The following OTUD7B variants were observed in gnomAD, a reference collection of about 807,000 sequenced individuals.
The protein encoded by OTUD7B is OTU domain-containing protein 7B.
OTUD7B carries 34 observed loss-of-function variants against 82.2 expected under a neutral mutation model. That is an observed-to-expected ratio of 0.41 (90% CI 0.31 to 0.55). The LOEUF (loss-of-function observed/expected upper bound fraction) is 0.55, where lower values mean the gene tolerates loss of function less well. OTUD7B is among the 20% of genes least tolerant of loss of function. The pLI, the probability that OTUD7B is intolerant of heterozygous loss-of-function variation, is 0.20. For synonymous variants in OTUD7B, 398 were observed against 402.7 expected, an observed-to-expected ratio of 0.99 and a Z score of 0.14; for missense variants, 944 against 1,062.1, an observed-to-expected ratio of 0.89 and a Z score of 1.55.
At chr1:149,990,550 GCTGT>G (rs1651489846) in intron 1 of OTUD7B, among the ~76,000 whole-genome samples, 1 of 152,166 alleles carries the variant, frequency 6.6e-6, no homozygotes, top group South Asian at 2.1e-4. Flanking sequence ...TATTTGTATA[GCTGT>G]CTGTTCACTA....
At chr1:150,032,147 CT>C in the OTUD7B span, among the ~76,000 whole-genome samples, 2 of 151,508 alleles carry the variant, frequency 1.3e-5, no homozygotes, top group Non-Finnish European at 2.9e-5. Flanking sequence ...CCCGTCTCTA[CT>C]AAAAATACAA....
At chr1:149,947,154 C>A (rs1466488319) in intron 11 of OTUD7B, 97 bp downstream of exon 11, 9 of 688,756 alleles carry the variant, frequency 1.3e-5, no homozygotes, top group Non-Finnish European at 2.4e-5. Context: ...AGCCACCACT[C>A]AGAATAGATT....
rs1647411132 is a variant in OTUD7B at position 149,943,539 on chromosome 1, C to A, written c.*318G>T. Reference sequence around the variant, plus strand: ...CTCCCACCCCCACACACCAAACCTTCCCCTGCTACTTTCTCTTAGGTCCCT... The same window carrying A: ...CTCCCACCCCCACACACCAAACCTTACCCTGCTACTTTCTCTTAGGTCCCT... On this transcript the variant is annotated 3_prime_UTR_variant, in exon 12 of 12. Coordinates refer to ENST00000581312, the MANE Select transcript of OTUD7B (RefSeq NM_020205.4). The A allele has an allele frequency of 8.7e-5, 21 of 242,746 alleles. No homozygotes were observed. Among genetic ancestry groups the A allele is most frequent in the Non-Finnish European group, 1.3e-4 (16 of 124,640 alleles). The allele number at this position is 242,746 out of a possible 1,614,324, so 15.0% of individuals were successfully genotyped here. A position where few individuals can be genotyped will look rare whatever the true frequency, so the allele number is the denominator to read the frequency against.
At chr1:150,051,925 G>A in the OTUD7B span, among the ~76,000 whole-genome samples, 4 of 152,104 alleles carry the variant, frequency 2.6e-5, no homozygotes, top group Admixed American at 6.5e-5. Flanking sequence ...TGACAGATCA[G>A]GAATGAGCCA....
the OTUD7B span, among the ~76,000 whole-genome samples, chr1:150,049,065 T>G: frequency 7.2e-5 from 11 of 152,292 alleles, no homozygotes; most frequent in Admixed American, 7.2e-4. Flanking sequence ...CTCGAACTCC[T>G]GACCTCAAGT....
At chr1:150,044,700 T>TAATAATAAA in the OTUD7B span, among the ~76,000 whole-genome samples, 1 of 149,700 alleles carries the variant, frequency 6.7e-6, no homozygotes, top group African/African-American at 2.5e-5. Flanking sequence ...ATAATAATAA[T>TAATAATAAA]AAATAAAAAT....
In OTUD7B at chr1:149,944,816, T is replaced by G. The variant is rs782049026; in HGVS notation, c.1573A>C (p.Met525Leu). 2.5e-6 allele frequency: 4 copies of G among 1,614,000 alleles called. No individual in the cohort carries two copies. The African/African-American group carries it at 5.3e-5, about 22-fold the overall frequency. The stretch of plus-strand genomic sequence containing the variant: ...CCAGGCTTTGAACCCTTGCTGTGCA[T>G]CAGGCCCCCCATGTTCTTCTTGAGC... ...SKLKKNMGGL[M>L]HSKGSKPGGV... The change falls in exon 12 of 12, where the codon ATG becomes CTG. Residue 525 changes from methionine to leucine, a missense_variant. By Grantham distance (15) the Met-to-Leu change is conservative (BLOSUM62 2). Coordinates refer to ENST00000581312, the MANE Select transcript of OTUD7B (RefSeq NM_020205.4).
rs148324636 is a variant in OTUD7B at position 149,965,689 on chromosome 1, A to G, written c.604+88T>C. 480 of 906,314 alleles carry G rather than the reference A, an allele frequency of 5.3e-4. 1 individual carries two copies. The African/African-American group carries it at 7.0e-3, about 13-fold the overall frequency. The allele number at this position is 906,314 out of a possible 1,614,324, so 56.1% of individuals were successfully genotyped here. Reference sequence around the variant, plus strand: ...TGAACCATCATTTCCGCCTAAGATCAAGGTTATCTGGATCAAGTCCTACAC... The same window carrying G: ...TGAACCATCATTTCCGCCTAAGATCGAGGTTATCTGGATCAAGTCCTACAC... On this transcript the variant is annotated intron_variant, in intron 5 of 11. Transcript: ENST00000581312.
At chr1:149,954,418 GC>G (rs1354664914) in intron 7 of OTUD7B, among the ~76,000 whole-genome samples, 5 of 152,156 alleles carry the variant, frequency 3.3e-5, no homozygotes, top group Admixed American at 2.6e-4. Flanking sequence ...TGGGGGATAA[GC>G]TTTTTGATGT....
In OTUD7B at chr1:149,959,788, C is replaced by T. The variant is rs1298937274; in HGVS notation, c.741G>A (p.Leu247=). Residue 247 remains leucine, a synonymous_variant, in exon 7 of 12, where the codon CTG becomes CTA. Coordinates refer to ENST00000581312, the MANE Select transcript of OTUD7B (RefSeq NM_020205.4). Reference sequence around the variant, plus strand: ...TCTGCCATTCATCTTCTGTGTATACCAGCCCTGACTGTGTGAAGGACAGGC... The same window carrying T: ...TCTGCCATTCATCTTCTGTGTATACTAGCCCTGACTGTGTGAAGGACAGGC... ...QQTQQNKESG[L]VYTEDEWQKE... is the part of the protein sequence containing the mutation. 3 of 1,611,920 alleles carry T rather than the reference C, an allele frequency of 1.9e-6. No homozygotes were observed. In the African/African-American group the frequency reaches 4.0e-5, roughly 22 times the overall value.
At chr1:150,052,247 G>A in the OTUD7B span, among the ~76,000 whole-genome samples, 15 of 152,270 alleles carry the variant, frequency 9.9e-5, no homozygotes, top group Admixed American at 9.2e-4. Context: ...GTTTGCAGAC[G>A]ACATGATTCC....
chr1:150,028,380 T>TA, the OTUD7B span, among the ~76,000 whole-genome samples: 7 of 152,328 alleles, frequency 4.6e-5, no homozygotes, highest in South Asian at 2.1e-4. Flanking sequence ...AAAGAAAAAT[T>TA]AAACACTTCA....
the OTUD7B span, among the ~76,000 whole-genome samples, chr1:150,041,028 TA>T: frequency 2.6e-5 from 4 of 151,996 alleles, no homozygotes; most frequent in African/African-American, 9.7e-5. Flanking sequence ...TTTTTTTAAT[TA>T]AAAAAATTTG....
At chr1:150,062,712 T>TC in the OTUD7B span, among the ~76,000 whole-genome samples, 99 of 138,576 alleles carry the variant, frequency 7.1e-4, no homozygotes, top group Non-Finnish European at 1.2e-3. Context: ...TTCTTTCTTT[T>TC]TTTTTTTTTT....
At chr1:150,027,593 T>G in the OTUD7B span, among the ~76,000 whole-genome samples, 1 of 151,916 alleles carries the variant, frequency 6.6e-6, no homozygotes, top group Non-Finnish European at 1.5e-5. Context: ...TCTCAAAAAA[T>G]AAATAAATAA....
chr1:150,003,249 C>CAAAA (rs11297514), intron 1 of OTUD7B, among the ~76,000 whole-genome samples: 6 of 117,796 alleles, frequency 5.1e-5, no homozygotes, highest in Non-Finnish European at 1.0e-4. Context: ...GACTCTGTCT[C>CAAAA]AAAAAAAAAA....
chr1:150,023,842 T>C, the OTUD7B span, among the ~76,000 whole-genome samples: 1 of 152,220 alleles, frequency 6.6e-6, no homozygotes, highest in Non-Finnish European at 1.5e-5. Context: ...TTAGCTTGAT[T>C]TTAATCTTTC....
At chr1:149,968,246 G>A (rs587728447) in intron 3 of OTUD7B, among the ~76,000 whole-genome samples, 1 of 123,256 alleles carries the variant, frequency 8.1e-6, no homozygotes, top group African/African-American at 3.2e-5. Context: ...CCTGACAACA[G>A]AGCAAGACCC....
At chr1:149,949,557 C>A in intron 9 of OTUD7B, 72 bp downstream of exon 9, 1 of 1,483,176 alleles carries the variant, frequency 6.7e-7, no homozygotes. Context: ...TTAATTCTTT[C>A]CTCCTACATT....
Sources: gnomAD v4.1 joint callset for allele counts (sites outside exome capture counted in the v4.1 genomes callset) on GRCh38, gnomAD v4.1.1 for gene constraint, MANE v1.5 for transcripts, NCBI Gene and HGNC (gene_info 2026-07-23, HGNC 2026-07-21) for gene names.